CLDN14: variants seen among roughly 807,000 people sequenced by gnomAD.
CLDN14 encodes the protein claudin-14.
Under a neutral mutation model 2.1 loss-of-function variants are expected in CLDN14, and 2 were observed. The ratio of observed to expected loss-of-function variants is 0.96; its 90% CI spans 0.39 to 3.01. The LOEUF (loss-of-function observed/expected upper bound fraction) is 3.01. Among genes scored for constraint, CLDN14 ranks in the 30% most tolerant of loss-of-function variants. The pLI, the probability that CLDN14 is intolerant of heterozygous loss-of-function variation, is 0.09. For synonymous variants in CLDN14, 136 were observed against 154.4 expected (o/e 0.88, Z 0.88); for missense variants, 298 against 328.0 (o/e 0.91, Z 0.71).
At chr21:36,555,840 TGTGTGTGTGTGA>T (rs1442605305) in intron 1 of CLDN14, among the ~76,000 whole-genome samples, 150 of 65,044 alleles carry the variant, frequency 2.3e-3, no homozygotes, top group African/African-American at 6.6e-3. Flanking sequence ...TGTGTGTGTG[TGTGTGTGTGTGA>T]GAGAGAGAGA....
Position 36,550,362 on chromosome 21 carries a change from CT to C in CLDN14, c.-220+26048del, listed in dbSNP as rs1364555585. 3.3e-5 allele frequency among the ~76,000 whole-genome samples: 5 copies of C among 152,334 alleles called. 1 individual carries two copies. Among genetic ancestry groups the C allele is most frequent in the South Asian group, 4.1e-4 (2 of 4,826 alleles). On this transcript the variant is annotated intron_variant, in intron 1 of 2. Coordinates refer to the CLDN14 transcript ENST00000342108. ...TGATACCAACTTGGCTCCTCTCCCCCTGACCCCAAAAGTCGAATAAGCTCTT... is the reference window on the plus strand; with the variant it reads ...TGATACCAACTTGGCTCCTCTCCCCCGACCCCAAAAGTCGAATAAGCTCTT...
chr21:36,473,228 C>T (rs1568846474), intron 1 of CLDN14, among the ~76,000 whole-genome samples: 1 of 152,200 alleles, frequency 6.6e-6, no homozygotes. Flanking sequence ...GGACTACAGG[C>T]ATGTGCCATC....
At chr21:36,524,590 A>T (rs1246057661) in intron 1 of CLDN14, among the ~76,000 whole-genome samples, 1 of 152,206 alleles carries the variant, frequency 6.6e-6, no homozygotes, top group East Asian at 1.9e-4. Context: ...TGGGCCTAGA[A>T]ATGAGGGGGA....
intron 1 of CLDN14, among the ~76,000 whole-genome samples, chr21:36,526,816 A>G (rs2087334370): frequency 6.6e-6 from 1 of 152,062 alleles, no homozygotes; most frequent in Non-Finnish European, 1.5e-5. Flanking sequence ...AGCTCAATCC[A>G]TCTCATTACT....
chr21:36,463,175 C>T (rs185843956), intron 1 of CLDN14, among the ~76,000 whole-genome samples: 24 of 152,296 alleles, frequency 1.6e-4, no homozygotes, highest in African/African-American at 5.5e-4. Context: ...TTAGGAGGTC[C>T]CAGCCCTGGC....
chr21:36,461,375 G>A lies in CLDN14; in HGVS notation c.321C>T (p.Cys107=), dbSNP rs764548516. ...CAVIGMKCTR[C]AKGTPAKTTF... ...TGGTCTTGGCGGGTGTGCCCTTGGC[G>A]CAGCGCGTGCACTTCATCCCGATGA... is the stretch of plus-strand genomic sequence containing the variant. The change falls in exon 2 of 2, where the codon TGC becomes TGT. Residue 107 remains cysteine (C), a synonymous_variant. Coordinates refer to ENST00000399135, the MANE Select transcript of CLDN14 (RefSeq NM_001146079.2). 160 of 1,612,852 alleles carry A rather than the reference G, an allele frequency of 9.9e-5. No individual in the cohort carries two copies. Among genetic ancestry groups the A allele is most frequent in the Non-Finnish European group, 1.2e-4 (145 of 1,179,912 alleles).
intron 1 of CLDN14, among the ~76,000 whole-genome samples, chr21:36,560,223 GTTT>G (rs34426860): frequency 1.4e-5 from 2 of 143,656 alleles, no homozygotes; most frequent in Non-Finnish European, 1.5e-5. Context: ...TTGTTGAGAG[GTTT>G]TTTTTTTTTT....
rs1249925482 is a variant in CLDN14 at position 36,519,726 on chromosome 21, AC to A, written c.-219-9227del. On this transcript the variant is annotated intron_variant, in intron 1 of 2. Transcript: ENST00000342108. ...CCCTGTCTAAAAAACAACAACAACA[AC>A]AACAACAAAACCCCAAAAACAAAAA... Among the ~76,000 whole-genome samples, 764 of 96,538 alleles carry A rather than the reference AC, an allele frequency of 7.9e-3. 2 individuals carry two copies. The highest frequency in any genetic ancestry group is 0.021 in the African/African-American group (723 of 33,646). The allele number at this position is 96,538 out of a possible 152,430, so 63.3% of individuals were successfully genotyped here.
At chr21:36,500,779 T>G (rs1392645290) in intron 2 of CLDN14, among the ~76,000 whole-genome samples, 1 of 152,260 alleles carries the variant, frequency 6.6e-6, no homozygotes, top group African/African-American at 2.4e-5. Flanking sequence ...TTTTCTTTTC[T>G]TTTTACAAAG....
At chr21:36,492,740 C>CA (rs1171900630) in intron 2 of CLDN14, among the ~76,000 whole-genome samples, 1 of 152,210 alleles carries the variant, frequency 6.6e-6, no homozygotes, top group Non-Finnish European at 1.5e-5. Context: ...CACGTGACGA[C>CA]AGAGGCAGAG....
chr21:36,496,106 G>A (rs1292920110), intron 2 of CLDN14, among the ~76,000 whole-genome samples: 1 of 152,106 alleles, frequency 6.6e-6, no homozygotes, highest in Non-Finnish European at 1.5e-5. Context: ...TGTTACAGCT[G>A]CCCTAGGATG....
intron 1 of CLDN14, among the ~76,000 whole-genome samples, chr21:36,565,709 C>A (rs560693443): frequency 6.6e-6 from 1 of 152,222 alleles, no homozygotes; most frequent in Non-Finnish European, 1.5e-5. Flanking sequence ...AAGCCCAGTA[C>A]CCTGAGAGCA....
chr21:36,497,991 C>T (rs116983832), intron 2 of CLDN14, among the ~76,000 whole-genome samples: 3,223 of 150,996 alleles, frequency 0.021, 57 homozygotes, highest in Non-Finnish European at 0.036. Context: ...CTGTTGTCAG[C>T]GAGAGGAAGA....
chr21:36,461,692 C>T lies in CLDN14; in HGVS notation c.4G>A (p.Ala2Thr). 3 of 1,550,440 alleles carry T rather than the reference C, an allele frequency of 1.9e-6. No individual in the cohort carries two copies. Among genetic ancestry groups the T allele is most frequent in the Non-Finnish European group, 2.6e-6 (3 of 1,147,682 alleles). ...CCCAGAAGCTGCACGGCCGTGCTGG[C>T]CATGGTGCGGCTGCCTGCCTAGGCC... M[A>T]STAVQLLGFL... Residue 2 changes from alanine (A) to threonine (T), a missense_variant, in exon 2 of 2, where the codon GCC (alanine) becomes ACC (threonine). By Grantham distance (58) the Ala-to-Thr change is moderately conservative. Transcript: ENST00000399135.
Position 36,461,534 on chromosome 21 carries a change from A to C in CLDN14, c.162T>G (p.Cys54Trp). The change falls in exon 2 of 2, where the codon TGT becomes TGG. Residue 54 changes from cysteine to tryptophan, a missense_variant. Cys to Trp is a radical substitution (Grantham distance 215). Coordinates refer to ENST00000399135, the MANE Select transcript of CLDN14 (RefSeq NM_001146079.2). ...VSYLKGLWME[C>W]VWHSTGIYQC... ...GGTAGATGCCTGTGCTGTGCCACAC[A>C]CACTCCATCCAGAGCCCTTTCAGGT... The C allele has an allele frequency of 6.2e-7, 1 of 1,613,388 alleles. No homozygotes were observed. Among genetic ancestry groups the C allele is most frequent in the Non-Finnish European group, 8.5e-7 (1 of 1,179,972 alleles).
At chr21:36,476,941 C>A (rs2249115) in intron 1 of CLDN14, among the ~76,000 whole-genome samples, 132,218 of 152,294 alleles carry the variant, frequency 0.87, 57,549 homozygotes, top group African/African-American at 0.9. Flanking sequence ...GGCCTTGCAG[C>A]TAAAGTAGTG....
Position 36,522,904 on chromosome 21 carries a change from A to T in CLDN14, c.-219-12404T>A, listed in dbSNP as rs530456591. Reference sequence around the variant, plus strand: ...ATTGGCCAGCCAAGATCCAGTGTTCACTGTAGCCATGGTCTTTTCTGGGAG... The same window carrying T: ...ATTGGCCAGCCAAGATCCAGTGTTCTCTGTAGCCATGGTCTTTTCTGGGAG... On this transcript the variant is annotated intron_variant, in intron 1 of 2. Coordinates refer to the CLDN14 transcript ENST00000342108. Among the ~76,000 whole-genome samples, 331 of 151,968 alleles carry T rather than the reference A, an allele frequency of 2.2e-3. 1 individual carries two copies. The highest frequency in any genetic ancestry group is 7.3e-3 in the African/African-American group (303 of 41,478).
chr21:36,554,208 T>TCC (rs2087582587), intron 1 of CLDN14, among the ~76,000 whole-genome samples: 1 of 152,182 alleles, frequency 6.6e-6, no homozygotes, highest in Admixed American at 6.5e-5. Flanking sequence ...GGCCCTTTCA[T>TCC]GAGACAGCAT....
intron 1 of CLDN14, among the ~76,000 whole-genome samples, chr21:36,537,989 A>ATGTGTGTGTG (rs34437515): frequency 4.7e-5 from 7 of 149,176 alleles, no homozygotes; most frequent in East Asian, 2.0e-4. Flanking sequence ...TCAAAACAAA[A>ATGTGTGTGTG]TGTGTGTGTG....
Sources: allele counts gnomAD v4.1 joint callset (sites outside exome capture counted in the v4.1 genomes callset), GRCh38; gene constraint gnomAD v4.1.1; transcripts MANE v1.5; gene names NCBI Gene and HGNC (gene_info 2026-07-23, HGNC 2026-07-21).